NCAPD3: variants seen among roughly 807,000 people sequenced by gnomAD.
NCAPD3 encodes condensin-2 complex subunit D3.
A neutral mutation model predicts 182.9 loss-of-function variants in NCAPD3; 105 were observed. The ratio of observed to expected loss-of-function variants is 0.57; its 90% CI spans 0.49 to 0.68. The LOEUF is 0.68. Among genes scored for constraint, NCAPD3 ranks in the 30% least tolerant of loss-of-function variants. NCAPD3 has a pLI of 0.00. For missense variants in NCAPD3, 1,944 were observed against 1,837.0 expected, an observed-to-expected ratio of 1.06 and a Z score of -1.07; for synonymous variants, 815 against 679.9, an observed-to-expected ratio of 1.20 and a Z score of -3.09.
chr11:134,195,671 C>G (rs1215671171), intron 13 of NCAPD3, among the ~76,000 whole-genome samples: 1 of 151,826 alleles, frequency 6.6e-6, no homozygotes, highest in Non-Finnish European at 1.5e-5. Flanking sequence ...CAACTGAGCC[C>G]AGGAGTTCGA....
At chr11:134,188,854 A>G (rs1294426381) in intron 16 of NCAPD3, among the ~76,000 whole-genome samples, 1 of 152,226 alleles carries the variant, frequency 6.6e-6, no homozygotes, top group Non-Finnish European at 1.5e-5. Context: ...GGGTATCCTT[A>G]TAAGAAGAAA....
In NCAPD3 at chr11:134,152,634, G is replaced by A. The variant is rs2603; in HGVS notation, c.*310C>T. On this transcript the variant is annotated 3_prime_UTR_variant, in exon 35 of 35. Transcript: ENST00000534548. ...AAGAAAGCTGCAGTTTTAAAGTTGT[G>A]TTCCTTAAAGACCAGATTATAGCTT... 4 of 244,034 alleles carry A rather than the reference G, an allele frequency of 1.6e-5. No homozygotes were observed. Among genetic ancestry groups the A allele is most frequent in the Non-Finnish European group, 3.1e-5 (4 of 129,162 alleles). The allele number at this position is 244,034 out of a possible 1,614,324, so 15.1% of individuals were successfully genotyped here. A position where few individuals can be genotyped will look rare whatever the true frequency, so the allele number is the denominator to read the frequency against.
chr11:134,158,145 C>T (rs144465644), intron 30 of NCAPD3, 78 bp from the exon 31 acceptor site: 67 of 1,549,806 alleles, frequency 4.3e-5, no homozygotes, highest in South Asian at 3.9e-4. Flanking sequence ...TGTGTCCCCG[C>T]GTGCCTCCTC....
intron 13 of NCAPD3, among the ~76,000 whole-genome samples, chr11:134,202,483 T>C (rs7934522): frequency 0.27 from 41,128 of 152,052 alleles, 6,001 homozygotes; most frequent in African/African-American, 0.38. Flanking sequence ...GCTCAAGCCA[T>C]CCTCCCACCT....
chr11:134,164,210 T>G (rs1373212045), intron 27 of NCAPD3, among the ~76,000 whole-genome samples: 1 of 152,008 alleles, frequency 6.6e-6, no homozygotes, highest in Middle Eastern at 3.2e-3. Context: ...ATCCAAATTC[T>G]ACACTTCCTG....
At chr11:134,183,825 G>A (rs1330615271) in intron 19 of NCAPD3, among the ~76,000 whole-genome samples, 2 of 152,168 alleles carry the variant, frequency 1.3e-5, no homozygotes, top group Non-Finnish European at 2.9e-5. Context: ...AATGAACTTG[G>A]TCAAGAAAAG....
rs1464453177 is a variant in NCAPD3, at chr11:134,223,470, C to T, written c.64+393G>A. On this transcript the variant is annotated intron_variant, in intron 1 of 34. Transcript: ENST00000534548. The stretch of plus-strand genomic sequence containing the variant: ...CGTTTGATGATGTCTGCATGTGAGA[C>T]ATCCAGTGGAACCTATGAACATGAA... 1.0e-5 allele frequency: 7 copies of T among 702,444 alleles called. No individual in the cohort carries two copies. In the Admixed American group the frequency reaches 1.4e-4, roughly 14 times the overall value. The allele number at this position is 702,444 out of a possible 1,614,324, so 43.5% of individuals were successfully genotyped here. A position where few individuals can be genotyped will look rare whatever the true frequency, so the allele number is the denominator to read the frequency against.
At chr11:134,194,881 A>G (rs549077797) in intron 13 of NCAPD3, 143 bp from the exon 14 acceptor site, 1 of 521,858 alleles carries the variant, frequency 1.9e-6, no homozygotes, top group South Asian at 3.7e-5. Context: ...GAGTGTGGAA[A>G]AAGAAGAAAA....
At chr11:134,156,779 G>A (rs1301060689) in intron 32 of NCAPD3, 7 of 370,302 alleles carry the variant, frequency 1.9e-5, no homozygotes, top group Admixed American at 4.7e-5. Flanking sequence ...TGTCTGCTCC[G>A]CGGGCCACTG....
At position 134,159,914 on chromosome 11, in the gene NCAPD3, G is replaced by C; in HGVS notation, c.3845C>G (p.Ala1282Gly). 1 of 1,613,206 alleles carries C rather than the reference G, an allele frequency of 6.2e-7. No homozygotes were observed. Among genetic ancestry groups the C allele is most frequent in the Non-Finnish European group, 8.5e-7 (1 of 1,179,950 alleles). The change falls in exon 29 of 35, where the codon GCT becomes GGT. Residue 1282 changes from alanine to glycine, a missense_variant. Coordinates refer to ENST00000534548, the MANE Select transcript of NCAPD3 (RefSeq NM_015261.3). ...TACCTGTGCCACAGGTGCCACCTCA[G>C]CACCTCCAGCCGTCCCGGCCACATC... is the stretch of plus-strand genomic sequence containing the variant. ...HADVAGTAGG[A>G]EVAPVAQVAL... is the part of the protein sequence containing the mutation.
chr11:134,196,528 C>T (rs1488150181), intron 13 of NCAPD3, among the ~76,000 whole-genome samples: 1 of 151,514 alleles, frequency 6.6e-6, no homozygotes, highest in African/African-American at 2.4e-5. Context: ...TGCTTGTAGT[C>T]CCAGATACTC....
At chr11:134,180,664 A>T (rs1944276442) in intron 20 of NCAPD3, among the ~76,000 whole-genome samples, 1 of 152,244 alleles carries the variant, frequency 6.6e-6, no homozygotes, top group Non-Finnish European at 1.5e-5. Flanking sequence ...ACTGTTCCCC[A>T]GTTCTACTGT....
chr11:134,160,213 G>A, intron 28 of NCAPD3, 139 bp from the exon 29 acceptor site: 2 of 831,614 alleles, frequency 2.4e-6, no homozygotes, highest in Non-Finnish European at 1.8e-6. Flanking sequence ...TAAAAGTTAA[G>A]AAAGAAAAAA....
At chr11:134,167,520 G>A (rs888123549) in intron 27 of NCAPD3, among the ~76,000 whole-genome samples, 3 of 141,738 alleles carry the variant, frequency 2.1e-5, no homozygotes, top group Non-Finnish European at 4.6e-5. Context: ...TGAGCTCAGG[G>A]GAGCTGCACA....
At chr11:134,221,737 G>A (rs1312720231) in intron 1 of NCAPD3, among the ~76,000 whole-genome samples, 1 of 152,158 alleles carries the variant, frequency 6.6e-6, no homozygotes, top group African/African-American at 2.4e-5. Flanking sequence ...ACAGAGATGG[G>A]AGCATTACAC....
Position 134,194,073 on chromosome 11 carries a change from C to G in NCAPD3, c.1767G>C (p.Arg589=), listed in dbSNP as rs143335772. 4.1e-5 allele frequency: 66 copies of G among 1,613,996 alleles called. No individual in the cohort carries two copies. The African/African-American group carries it at 8.5e-4, about 21-fold the overall frequency. The change falls in exon 15 of 35, where the codon CGG becomes CGC. Residue 589 remains arginine (R), a synonymous_variant. Transcript: ENST00000534548. ...GCTTCCGGACAGACACTGCAGGGTCCCGACACTGGTCCTGCAGAATCCACA... is the reference window on the plus strand; with the variant it reads ...GCTTCCGGACAGACACTGCAGGGTCGCGACACTGGTCCTGCAGAATCCACA... ...EDLWILQDQC[R]DPAVSVRKQA...
intron 32 of NCAPD3, among the ~76,000 whole-genome samples, chr11:134,154,236 TATC>T (rs1943351482): frequency 6.6e-6 from 1 of 152,160 alleles, no homozygotes; most frequent in Non-Finnish European, 1.5e-5. Flanking sequence ...TTATTAGCAG[TATC>T]ATCCCTGCAT....
At chr11:134,202,644 G>T (rs1944772686) in intron 13 of NCAPD3, among the ~76,000 whole-genome samples, 172 bp downstream of exon 13, 1 of 151,380 alleles carries the variant, frequency 6.6e-6, no homozygotes, top group South Asian at 2.1e-4. Flanking sequence ...GCCTCCCAAA[G>T]TGCTGGGATT....
At chr11:134,184,612 C>A in intron 19 of NCAPD3, 25 bp downstream of exon 19, 1 of 1,504,302 alleles carries the variant, frequency 6.6e-7, no homozygotes, top group Non-Finnish European at 9.1e-7. Context: ...AAGTCAGAAA[C>A]ATGTCAGGGA....
Sources: allele counts gnomAD v4.1 joint callset (sites outside exome capture counted in the v4.1 genomes callset), GRCh38; gene constraint gnomAD v4.1.1; transcripts MANE v1.5; gene names NCBI Gene and HGNC (gene_info 2026-07-23, HGNC 2026-07-21).